The following THSD7B variants were observed in gnomAD, a reference collection of about 807,000 sequenced individuals.
THSD7B encodes the protein thrombospondin type-1 domain-containing protein 7B.
In THSD7B, 138 loss-of-function variants were observed where a neutral mutation model predicts 213.6. The ratio of observed to expected loss-of-function variants is 0.65; its 90% confidence interval spans 0.56 to 0.74. The LOEUF is 0.74. Ranked by LOEUF, THSD7B falls within the 30% of genes least tolerant of loss-of-function variation. THSD7B has a pLI of 0.00. For synonymous variants in THSD7B, 742 were observed against 687.0 expected (o/e 1.08, Z -1.25); for missense variants, 1,931 against 1,991.5 (o/e 0.97, Z 0.58).
At chr2:137,614,005 T>G (rs13390601) in intron 17 of THSD7B, among the ~76,000 whole-genome samples, 3,437 of 152,228 alleles carry the variant, frequency 0.023, 137 homozygotes, top group African/African-American at 0.079. Context: ...TAAGATGAAG[T>G]GTGAAAATAC....
intron 12 of THSD7B, among the ~76,000 whole-genome samples, chr2:137,302,048 A>ATTAGACG (rs748376337): frequency 2.2e-4 from 34 of 152,236 alleles, no homozygotes; most frequent in Non-Finnish European, 3.5e-4. Flanking sequence ...GAGTGCTGTC[A>ATTAGACG]TTAGACGTAA....
intron 4 of THSD7B, among the ~76,000 whole-genome samples, chr2:137,098,822 A>C (rs564887934): frequency 1.3e-5 from 2 of 152,260 alleles, no homozygotes; most frequent in South Asian, 4.1e-4. Flanking sequence ...ATTGTAACTA[A>C]CAGGAGATCA....
At chr2:136,894,360 C>G (rs1203951657) in intron 2 of THSD7B, among the ~76,000 whole-genome samples, 2 of 152,118 alleles carry the variant, frequency 1.3e-5, no homozygotes, top group Admixed American at 1.3e-4. Context: ...GATAAAGGAG[C>G]TGACACTACA....
At chr2:137,402,662 C>G (rs1686396958) in intron 12 of THSD7B, among the ~76,000 whole-genome samples, 1 of 151,380 alleles carries the variant, frequency 6.6e-6, no homozygotes, top group Non-Finnish European at 1.5e-5. Flanking sequence ...ACTAAAAATA[C>G]CAAAAAATTA....
chr2:137,577,458 C>T (rs909394205), intron 17 of THSD7B, among the ~76,000 whole-genome samples: 1 of 152,090 alleles, frequency 6.6e-6, no homozygotes, highest in Non-Finnish European at 1.5e-5. Flanking sequence ...AGTAAGGCTT[C>T]CATTGCCCTC....
chr2:137,655,721 T>G (rs1365738807), intron 22 of THSD7B, 61 bp downstream of exon 22: 6 of 1,532,598 alleles, frequency 3.9e-6, no homozygotes, highest in Non-Finnish European at 5.3e-6. Context: ...ATTTTACTAC[T>G]GTTTTCCTAG....
intron 14 of THSD7B, among the ~76,000 whole-genome samples, chr2:137,419,377 T>TTTTTTTTTTTTTGA (rs1386654895): frequency 3.9e-5 from 3 of 77,256 alleles, no homozygotes; most frequent in African/African-American, 9.3e-5. Flanking sequence ...CCTGAGTTCT[T>TTTTTTTTTTTTTGA]GTCCCACATC....
rs2105054403 is a variant in THSD7B, at chr2:137,231,033, G to A, written c.1724-11G>A. ...ATTAATCACCAACTGTCTTGATCTT[G>A]TTGATTGTAGGAGAAGATGTATCAG... On this transcript the variant is annotated splice_polypyrimidine_tract_variant and intron_variant, in intron 7 of 27. Transcript: ENST00000409968. 6.2e-7 allele frequency: 1 copy of A among 1,611,764 alleles called. No individual in the cohort carries two copies. The highest frequency in any genetic ancestry group is 8.5e-7 in the Non-Finnish European group (1 of 1,179,056).
chr2:137,481,124 C>T (rs1043175015), intron 15 of THSD7B, among the ~76,000 whole-genome samples: 7 of 152,198 alleles, frequency 4.6e-5, no homozygotes, highest in Non-Finnish European at 8.8e-5. Context: ...CTACCAGTAC[C>T]TTGATCTTGG....
intron 12 of THSD7B, among the ~76,000 whole-genome samples, chr2:137,397,773 G>C (rs566404331): frequency 2.6e-5 from 4 of 151,040 alleles, no homozygotes; most frequent in Non-Finnish European, 5.9e-5. Context: ...TTCCAACTTG[G>C]TTCCATTCTC....
intron 5 of THSD7B, among the ~76,000 whole-genome samples, chr2:137,138,450 C>T (rs2104961437): frequency 1.3e-5 from 2 of 152,048 alleles, no homozygotes; most frequent in South Asian, 2.1e-4. Context: ...GGTGGTTTCT[C>T]CTTGTGGTTT....
rs530705982 is a variant in THSD7B at position 136,899,148 on chromosome 2, A to G, written c.139+16831A>G. ...GGAACTGGCCAGTGTCTTTTAGCTTATATTGTCGAGAGGACCTGGTTCAAA... is the reference window on the plus strand; with the variant it reads ...GGAACTGGCCAGTGTCTTTTAGCTTGTATTGTCGAGAGGACCTGGTTCAAA... On this transcript the variant is annotated intron_variant, in intron 2 of 27. Coordinates refer to ENST00000409968, the MANE Select transcript of THSD7B (RefSeq NM_001316349.2). Among the ~76,000 whole-genome samples the G allele has an allele frequency of 3.9e-4, 60 of 152,284 alleles. No homozygotes were observed. In the Middle Eastern group the frequency reaches 0.014, roughly 35 times the overall value.
intron 2 of THSD7B, among the ~76,000 whole-genome samples, chr2:137,010,945 A>T (rs941692615): frequency 6.6e-6 from 1 of 152,294 alleles, no homozygotes; most frequent in East Asian, 1.9e-4. Flanking sequence ...AGTGGCAGGG[A>T]GAGGCCTCTC....
intron 12 of THSD7B, among the ~76,000 whole-genome samples, chr2:137,394,500 T>C (rs2104984519): frequency 7.3e-6 from 1 of 137,502 alleles, no homozygotes; most frequent in South Asian, 2.5e-4. Flanking sequence ...CTGAGGGCTG[T>C]GTTCTGTTCC....
intron 12 of THSD7B, among the ~76,000 whole-genome samples, chr2:137,355,715 C>T (rs1328164618): frequency 6.6e-6 from 1 of 152,158 alleles, no homozygotes; most frequent in Non-Finnish European, 1.5e-5. Flanking sequence ...AGGCAAACTG[C>T]TTAGCTTTGA....
intron 2 of THSD7B, among the ~76,000 whole-genome samples, chr2:136,912,321 C>CAAAAAAA (rs1159184476): frequency 1.8e-5 from 1 of 55,830 alleles, no homozygotes; most frequent in Non-Finnish European, 3.0e-5. Context: ...GACTCCATCT[C>CAAAAAAA]AAAAAAAAAA....
At chr2:137,663,285 A>AT in intron 25 of THSD7B, 98 bp from the exon 26 acceptor site, 2 of 1,028,530 alleles carry the variant, frequency 1.9e-6, no homozygotes, top group Non-Finnish European at 2.6e-6. Context: ...CATTGCCATG[A>AT]TGTATAGTGC....
chr2:137,583,301 T>G (rs988070273), intron 17 of THSD7B, among the ~76,000 whole-genome samples: 4 of 152,320 alleles, frequency 2.6e-5, no homozygotes, highest in East Asian at 3.9e-4. Context: ...CTGTTCACTC[T>G]GATGGTAGTT....
At chr2:136,864,200 C>T (rs1203561680) in intron 1 of THSD7B, among the ~76,000 whole-genome samples, 1 of 152,178 alleles carries the variant, frequency 6.6e-6, no homozygotes, top group African/African-American at 2.4e-5. Flanking sequence ...TTGGCTTCCT[C>T]AAGCAGGCAG....
Sources: allele counts gnomAD v4.1 joint callset (sites outside exome capture counted in the v4.1 genomes callset), GRCh38; gene constraint gnomAD v4.1.1; transcripts MANE v1.5; gene names NCBI Gene and HGNC (gene_info 2026-07-23, HGNC 2026-07-21).